Variants in RALGPS1 observed in about 807,000 individuals in gnomAD.
The protein encoded by RALGPS1 is ras-specific guanine nucleotide-releasing factor RalGPS1.
Under a neutral mutation model 78.8 loss-of-function variants are expected in RALGPS1, and 19 were observed. The ratio of observed to expected loss-of-function variants is 0.24; its 90% CI spans 0.17 to 0.35. The LOEUF (loss-of-function observed/expected upper bound fraction) is 0.35. Ranked by LOEUF, RALGPS1 falls within the 10% of genes least tolerant of loss-of-function variation. The pLI is 1.00. For synonymous variants in RALGPS1, 228 were observed against 256.3 expected, an observed-to-expected ratio of 0.89 and a Z score of 1.06; for missense variants, 454 against 688.3, an observed-to-expected ratio of 0.66 and a Z score of 3.81.
chr9:127,156,962 T>C (rs2058736470), intron 8 of RALGPS1, among the ~76,000 whole-genome samples: 2 of 152,126 alleles, frequency 1.3e-5, no homozygotes, highest in African/African-American at 4.8e-5. Context: ...TGTCTCAATA[T>C]CATTTATTGA....
intron 8 of RALGPS1, among the ~76,000 whole-genome samples, chr9:127,131,592 C>T (rs1271318662): frequency 6.6e-6 from 1 of 152,194 alleles, no homozygotes; most frequent in Non-Finnish European, 1.5e-5. Flanking sequence ...ATCTACGCAG[C>T]CAGTAAGCAG....
At chr9:127,007,713 C>T (rs925241605) in intron 4 of RALGPS1, among the ~76,000 whole-genome samples, 38 of 152,314 alleles carry the variant, frequency 2.5e-4, no homozygotes, top group Admixed American at 1.6e-3. Context: ...TTCAGCATGG[C>T]TGGGTCACGC....
At chr9:127,147,359 G>A (rs1467486337) in intron 8 of RALGPS1, among the ~76,000 whole-genome samples, 1 of 152,156 alleles carries the variant, frequency 6.6e-6, no homozygotes, top group South Asian at 2.1e-4. Context: ...TTATTTTGCT[G>A]TGCAGAAGCT....
intron 2 of RALGPS1, among the ~76,000 whole-genome samples, chr9:126,965,472 C>A (rs967789666): frequency 6.6e-6 from 1 of 152,132 alleles, no homozygotes; most frequent in Non-Finnish European, 1.5e-5. Flanking sequence ...AAACCACTGG[C>A]CAGAGAAAGT....
intron 18 of RALGPS1, among the ~76,000 whole-genome samples, chr9:127,215,189 G>A (rs943468943): frequency 3.9e-5 from 6 of 152,202 alleles, no homozygotes; most frequent in African/African-American, 1.4e-4. Flanking sequence ...TGACTTCATG[G>A]GAATACTCCA....
intron 4 of RALGPS1, among the ~76,000 whole-genome samples, chr9:126,988,926 G>T (rs1486332201): frequency 1.3e-5 from 2 of 152,128 alleles, no homozygotes; most frequent in African/African-American, 2.4e-5. Context: ...CAGCAATGTT[G>T]CCTTTAGGGA....
At chr9:127,108,001 C>T in intron 8 of RALGPS1, 1 of 1,599,110 alleles carries the variant, frequency 6.3e-7, no homozygotes, top group Non-Finnish European at 8.5e-7. Context: ...GTTCTGGTCA[C>T]TCTGGATCTC....
intron 4 of RALGPS1, among the ~76,000 whole-genome samples, chr9:127,009,140 T>C (rs995539819): frequency 1.3e-5 from 2 of 152,248 alleles, no homozygotes; most frequent in Admixed American, 6.5e-5. Flanking sequence ...GGGAGCCACA[T>C]AGACTTCATT....
intron 1 of RALGPS1, among the ~76,000 whole-genome samples, chr9:126,937,825 A>G (rs1012033508): frequency 6.6e-6 from 1 of 152,190 alleles, no homozygotes; most frequent in African/African-American, 2.4e-5. Context: ...TTGGCTAAAG[A>G]TGGGAGCTAA....
intron 4 of RALGPS1, among the ~76,000 whole-genome samples, chr9:127,033,903 A>G (rs2046638496): frequency 6.6e-6 from 1 of 152,200 alleles, no homozygotes; most frequent in Non-Finnish European, 1.5e-5. Context: ...TTTTGGTTAT[A>G]TGAGGGATTG....
In RALGPS1 at chr9:126,999,056, T is replaced by C. The variant is rs367693265; in HGVS notation, c.216+21311T>C. Reference sequence around the variant, plus strand: ...GGGGGAGGGATAGCATTAGGAGATATACCTAATGCTAAATGACGAGTTAAT... The same window carrying C: ...GGGGGAGGGATAGCATTAGGAGATACACCTAATGCTAAATGACGAGTTAAT... On this transcript the variant is annotated intron_variant, in intron 4 of 18. Coordinates refer to ENST00000259351, the MANE Select transcript of RALGPS1 (RefSeq NM_014636.3). 4.1e-4 allele frequency among the ~76,000 whole-genome samples: 59 copies of C among 144,944 alleles called. No homozygotes were observed. The East Asian group carries it at 0.012, about 29-fold the overall frequency.
At chr9:127,086,857 G>A (rs923882593) in intron 8 of RALGPS1, among the ~76,000 whole-genome samples, 1 of 152,206 alleles carries the variant, frequency 6.6e-6, no homozygotes, top group Non-Finnish European at 1.5e-5. Flanking sequence ...GAGGGAGATG[G>A]AGACTCCTGG....
chr9:127,189,389 G>A (rs2060894714), intron 11 of RALGPS1, among the ~76,000 whole-genome samples: 1 of 152,178 alleles, frequency 6.6e-6, no homozygotes, highest in Admixed American at 6.5e-5. Flanking sequence ...GGAGGAGAAC[G>A]TGCTTCCTGA....
chr9:127,102,415 G>T (rs1180896251), intron 8 of RALGPS1, among the ~76,000 whole-genome samples: 1 of 152,100 alleles, frequency 6.6e-6, no homozygotes, highest in African/African-American at 2.4e-5. Flanking sequence ...CAATCCATTT[G>T]TATGACCAGT....
intron 11 of RALGPS1, among the ~76,000 whole-genome samples, chr9:127,175,989 A>G (rs11788964): frequency 0.34 from 51,258 of 152,012 alleles, 11,056 homozygotes; most frequent in Non-Finnish European, 0.46. Flanking sequence ...CCACCCAGTA[A>G]GGCTCTGCCC....
At chr9:126,934,206 C>A (rs1221191073) in intron 1 of RALGPS1, among the ~76,000 whole-genome samples, 1 of 62,538 alleles carries the variant, frequency 1.6e-5, no homozygotes, top group Non-Finnish European at 5.4e-5. Context: ...TGAAGTCAGA[C>A]CTTGTAGCAC....
intron 1 of RALGPS1, among the ~76,000 whole-genome samples, chr9:126,925,856 T>C (rs2035227942): frequency 6.6e-6 from 1 of 152,210 alleles, no homozygotes; most frequent in African/African-American, 2.4e-5. Context: ...GAATTGAAGC[T>C]AGCCAGGTGG....
intron 8 of RALGPS1, among the ~76,000 whole-genome samples, chr9:127,121,516 A>G (rs2056082968): frequency 6.6e-6 from 1 of 152,256 alleles, no homozygotes; most frequent in Non-Finnish European, 1.5e-5. Context: ...AGCAGAGGCA[A>G]GAGCTGACCC....
intron 8 of RALGPS1, among the ~76,000 whole-genome samples, chr9:127,104,721 C>G (rs567580641): frequency 6.6e-6 from 1 of 152,218 alleles, no homozygotes; most frequent in Admixed American, 6.5e-5. Flanking sequence ...TCCCTTAGTC[C>G]CCTGGGGAAG....
Sources: allele counts gnomAD v4.1 joint callset (sites outside exome capture counted in the v4.1 genomes callset), GRCh38; gene constraint gnomAD v4.1.1; transcripts MANE v1.5; gene names NCBI Gene and HGNC (gene_info 2026-07-23, HGNC 2026-07-21).